JHY: variants seen among roughly 807,000 people sequenced by gnomAD.
JHY encodes the protein jhy protein homolog.
In JHY, 69 loss-of-function variants were observed where a neutral mutation model predicts 78.0. The ratio of observed to expected loss-of-function variants is 0.88; its 90% CI spans 0.73 to 1.08. The LOEUF (loss-of-function observed/expected upper bound fraction) is 1.08, where lower values mean the gene tolerates loss of function less well. Among genes scored for constraint, JHY ranks in the 50% least tolerant of loss-of-function variants. JHY has a pLI of 0.00. For synonymous variants in JHY, 368 were observed against 342.6 expected (o/e 1.07, Z -0.82); for missense variants, 944 against 927.8 (o/e 1.02, Z -0.23).
chr11:122,907,833 CAAAA>C (rs71057309), intron 3 of JHY, among the ~76,000 whole-genome samples: 2 of 83,956 alleles, frequency 2.4e-5, no homozygotes, highest in Admixed American at 1.4e-4. Flanking sequence ...AACTCTATCT[CAAAA>C]AAAAAAAAAA....
intron 6 of JHY, 23 bp downstream of exon 6, chr11:122,946,815 C>A: frequency 6.3e-7 from 1 of 1,583,522 alleles, no homozygotes; most frequent in South Asian, 1.2e-5. Flanking sequence ...CCATTTTTAC[C>A]AAGTAACTCT....
At chr11:122,957,623 G>T (rs1591403471) in intron 8 of JHY, 132 bp downstream of exon 8, 1 of 926,980 alleles carries the variant, frequency 1.1e-6, no homozygotes, top group Non-Finnish European at 1.5e-6. Context: ...ATAAACTCCT[G>T]GGCTCAAGCT....
chr11:122,901,715 T>C (rs1862863125), intron 2 of JHY, among the ~76,000 whole-genome samples: 1 of 151,232 alleles, frequency 6.6e-6, no homozygotes, highest in Non-Finnish European at 1.5e-5. Flanking sequence ...CTACTAAAAA[T>C]ACAAAAAATT....
chr11:122,957,555 G>A (rs1046212944), intron 8 of JHY, 64 bp downstream of exon 8: 24 of 982,112 alleles, frequency 2.4e-5, no homozygotes, highest in South Asian at 9.9e-5. Flanking sequence ...TTTTATTATC[G>A]CTTTTTTTTT....
chr11:122,889,077 A>G (rs1862555638), intron 2 of JHY, among the ~76,000 whole-genome samples: 1 of 152,164 alleles, frequency 6.6e-6, no homozygotes. Flanking sequence ...TTTACTCACA[A>G]GTGCCTGCAA....
chr11:122,953,891 A>G (rs1864142893), intron 6 of JHY, among the ~76,000 whole-genome samples: 1 of 152,194 alleles, frequency 6.6e-6, no homozygotes. Context: ...ATTGACCATA[A>G]ATGTTTAACA....
At chr11:122,927,369 C>A (rs1489754720) in intron 4 of JHY, among the ~76,000 whole-genome samples, 1 of 152,168 alleles carries the variant, frequency 6.6e-6, no homozygotes, top group African/African-American at 2.4e-5. Context: ...AGCAAAACAT[C>A]TAAAAAGTGT....
intron 6 of JHY, chr11:122,947,313 A>G (rs2306071): frequency 0.018 from 2,800 of 152,782 alleles, 78 homozygotes; most frequent in South Asian, 0.11. Context: ...CTGCAGTAAA[A>G]TACCTGGGCT....
At chr11:122,936,786 A>G (rs1400154068) in intron 5 of JHY, among the ~76,000 whole-genome samples, 2 of 152,222 alleles carry the variant, frequency 1.3e-5, no homozygotes, top group Non-Finnish European at 2.9e-5. Context: ...ACATTTTCAT[A>G]TACATGAAGT....
At position 122,961,070 on chromosome 11, in the gene JHY, T is replaced by C. The variant is rs1259452980; in HGVS notation, c.*1625T>C. On this transcript the variant is annotated 3_prime_UTR_variant, in exon 9 of 9. Coordinates refer to ENST00000227349, the MANE Select transcript of JHY (RefSeq NM_024806.4). ...TAAAGCTGTTGGCAAAGAAGACTCA[T>C]GCACAGCCAGTTATGTAAATGTATC... 9.6e-6 allele frequency: 10 copies of C among 1,045,350 alleles called. No homozygotes were observed. Among genetic ancestry groups the C allele is most frequent in the African/African-American group, 1.6e-5 (1 of 63,562 alleles). 64.8% of individuals were successfully genotyped at this position (1,045,350 alleles called of 1,614,324 possible). A position where few individuals can be genotyped will look rare whatever the true frequency, so the allele number is the denominator to read the frequency against.
At chr11:122,956,988 A>G (rs947601443) in intron 7 of JHY, among the ~76,000 whole-genome samples, 3 of 152,198 alleles carry the variant, frequency 2.0e-5, no homozygotes, top group Non-Finnish European at 4.4e-5. Flanking sequence ...CTCTAGTGAA[A>G]GGAGATCTTC....
At chr11:122,944,938 A>C (rs1031695301) in intron 5 of JHY, among the ~76,000 whole-genome samples, 1 of 151,938 alleles carries the variant, frequency 6.6e-6, no homozygotes, top group Non-Finnish European at 1.5e-5. Flanking sequence ...GGTGTTCTGA[A>C]GTTTCGTTGT....
chr11:122,886,318 T>TCC, intron 2 of JHY, 125 bp downstream of exon 2: 1 of 897,020 alleles, frequency 1.1e-6, no homozygotes. Flanking sequence ...GAGACAGGTC[T>TCC]CCAAGCAGCC....
Position 122,959,586 on chromosome 11 carries a change from T to A in JHY, c.*141T>A. The A allele has an allele frequency of 1.2e-6, 1 of 801,562 alleles. No homozygotes were observed. The highest frequency in any genetic ancestry group is 1.9e-6 in the Non-Finnish European group (1 of 520,442). 49.7% of individuals were successfully genotyped at this position (801,562 alleles called of 1,614,324 possible). A position where few individuals can be genotyped will look rare whatever the true frequency, so the allele number is the denominator to read the frequency against. On this transcript the variant is annotated 3_prime_UTR_variant, in exon 9 of 9. Transcript: ENST00000227349. ...GTCCATGTTTGCTTTCTGCAGGATT[T>A]AAAATATGAGGCCCAATTGGATTAT... is the stretch of plus-strand genomic sequence containing the variant.
At chr11:122,901,122 A>G (rs1862848450) in intron 2 of JHY, among the ~76,000 whole-genome samples, 1 of 152,230 alleles carries the variant, frequency 6.6e-6, no homozygotes. Flanking sequence ...AATTTGTGCA[A>G]TGTGTTACTA....
chr11:122,963,759 G>A lies in JHY; in HGVS notation c.*4314G>A, dbSNP rs758628836. The stretch of plus-strand genomic sequence containing the variant: ...TTCAAACTTAAGTGATGTAATGATG[G>A]AGCACCTGTATTTGACTAGATGTTA... On this transcript the variant is annotated 3_prime_UTR_variant, in exon 9 of 9. Coordinates refer to ENST00000227349, the MANE Select transcript of JHY (RefSeq NM_024806.4). Among the ~76,000 whole-genome samples, 8 of 152,038 alleles carry A rather than the reference G, an allele frequency of 5.3e-5. No homozygotes were observed. The highest frequency in any genetic ancestry group is 9.7e-5 in the African/African-American group (4 of 41,420).
At chr11:122,891,779 G>A (rs571666296) in intron 2 of JHY, among the ~76,000 whole-genome samples, 2 of 152,116 alleles carry the variant, frequency 1.3e-5, no homozygotes, top group East Asian at 3.9e-4. Flanking sequence ...GAGCTGTATA[G>A]GTATACGTAA....
At chr11:122,942,161 C>T (rs538095426) in intron 5 of JHY, among the ~76,000 whole-genome samples, 18 of 152,216 alleles carry the variant, frequency 1.2e-4, no homozygotes, top group South Asian at 4.2e-4. Context: ...CGTGAGCCAC[C>T]GCACCTGGCC....
At chr11:122,919,376 A>AAAAAAG (rs60848354) in intron 3 of JHY, among the ~76,000 whole-genome samples, 19 of 136,940 alleles carry the variant, frequency 1.4e-4, no homozygotes, top group African/African-American at 4.8e-4. Flanking sequence ...AAAAAAAAAA[A>AAAAAAG]GAAGTGAAGG....
Sources: allele counts gnomAD v4.1 joint callset (sites outside exome capture counted in the v4.1 genomes callset), GRCh38; gene constraint gnomAD v4.1.1; transcripts MANE v1.5; gene names NCBI Gene and HGNC (gene_info 2026-07-23, HGNC 2026-07-21).